NCAPD3: variants seen among roughly 807,000 people sequenced by gnomAD.
NCAPD3 encodes non-SMC condensin II complex subunit D3, also known as condensin-2 complex subunit D3.
A neutral mutation model predicts 182.9 loss-of-function variants in NCAPD3; 105 were observed. That is an observed-to-expected ratio of 0.57 (90% confidence interval 0.49 to 0.68). The LOEUF (loss-of-function observed/expected upper bound fraction) is 0.68. Among genes scored for constraint, NCAPD3 ranks in the 30% least tolerant of loss-of-function variants. NCAPD3 has a pLI of 0.00. For synonymous variants in NCAPD3, 815 were observed against 679.9 expected, an observed-to-expected ratio of 1.20 and a Z score of -3.09; for missense variants, 1,944 against 1,837.0, an observed-to-expected ratio of 1.06 and a Z score of -1.07.
At chr11:134,205,232 T>C (rs1944825720) in intron 8 of NCAPD3, among the ~76,000 whole-genome samples, 2 of 152,228 alleles carry the variant, frequency 1.3e-5, no homozygotes, top group Admixed American at 1.3e-4. Flanking sequence ...ACAATTCTTT[T>C]GACTACTTAC....
chr11:134,209,258 T>C (rs749028325), intron 5 of NCAPD3, 52 bp from the exon 6 acceptor site: 18 of 1,609,736 alleles, frequency 1.1e-5, no homozygotes, highest in East Asian at 2.2e-5. Context: ...GATCAGGTAT[T>C]AGCCATAGTC....
rs374144345 is a variant in NCAPD3, at chr11:134,186,366, TTCTC to T, written c.2046-844_2046-841del. Among the ~76,000 whole-genome samples, 77 of 151,538 alleles carry T rather than the reference TTCTC, an allele frequency of 5.1e-4. No individual in the cohort carries two copies. The South Asian group carries it at 7.9e-3, about 16-fold the overall frequency. The stretch of plus-strand genomic sequence containing the variant: ...GGCATGGTCACCATACCTGGCTAAT[TTCTC>T]TCTCTCTCTCTTTGTCTGTCTTTCT... On this transcript the variant is annotated intron_variant, in intron 16 of 34. Transcript: ENST00000534548.
chr11:134,174,472 CA>C (rs1944109792), intron 24 of NCAPD3, among the ~76,000 whole-genome samples: 1 of 148,676 alleles, frequency 6.7e-6, no homozygotes, highest in Non-Finnish European at 1.5e-5. Flanking sequence ...AATCAAAAGT[CA>C]GGCACAGAAA....
intron 24 of NCAPD3, 142 bp from the exon 25 acceptor site, chr11:134,169,196 G>T: frequency 1.3e-6 from 1 of 759,462 alleles, no homozygotes. Flanking sequence ...CAGTTCCCTC[G>T]GATCCAAAGA....
rs1290111169 is a variant in NCAPD3, at chr11:134,223,930, C to A, written c.-4G>T. 4 of 1,612,096 alleles carry A rather than the reference C, an allele frequency of 2.5e-6. No homozygotes were observed. The highest frequency in any genetic ancestry group is 1.7e-5 in the Admixed American group (1 of 59,948). ...CAAGGCCCCGCAACGCCACCATGAT[C>A]CCAGGGCACCGGCTCGCCGCCGCCG... On this transcript the variant is annotated 5_prime_UTR_variant, in exon 1 of 35. Transcript: ENST00000534548.
At chr11:134,183,943 A>G (rs1412249177) in intron 19 of NCAPD3, among the ~76,000 whole-genome samples, 1 of 152,232 alleles carries the variant, frequency 6.6e-6, no homozygotes, top group Non-Finnish European at 1.5e-5. Context: ...TTCTATAGCC[A>G]TTATTAATAA....
chr11:134,201,939 T>C (rs1308639334), intron 13 of NCAPD3, among the ~76,000 whole-genome samples: 1 of 152,172 alleles, frequency 6.6e-6, no homozygotes, highest in Non-Finnish European at 1.5e-5. Context: ...AAAGCAGTAA[T>C]GTAATCATCC....
chr11:134,209,957 G>C (rs866263615), intron 4 of NCAPD3, among the ~76,000 whole-genome samples: 11 of 152,326 alleles, frequency 7.2e-5, no homozygotes, highest in Middle Eastern at 3.4e-3. Context: ...TCGGAAGGCT[G>C]CAGCAGGAGA....
chr11:134,185,103 G>T, intron 17 of NCAPD3, 103 bp from the exon 18 acceptor site: 1 of 1,031,244 alleles, frequency 9.7e-7, no homozygotes, highest in Non-Finnish European at 1.5e-6. Flanking sequence ...AGCAGGGTAG[G>T]TAGCATGGCT....
intron 28 of NCAPD3, among the ~76,000 whole-genome samples, chr11:134,161,440 T>G (rs1943577538): frequency 6.6e-6 from 1 of 152,160 alleles, no homozygotes; most frequent in Admixed American, 6.5e-5. Context: ...ACCCGAAGAC[T>G]CACTTTCACC....
chr11:134,199,844 G>A (rs555691158), intron 13 of NCAPD3, among the ~76,000 whole-genome samples: 2 of 152,158 alleles, frequency 1.3e-5, no homozygotes, highest in African/African-American at 2.4e-5. Flanking sequence ...AGAACGCAAC[G>A]GCAATCAACA....
At chr11:134,172,255 C>A (rs571879029) in intron 24 of NCAPD3, among the ~76,000 whole-genome samples, 188 of 152,314 alleles carry the variant, frequency 1.2e-3, no homozygotes, top group African/African-American at 4.4e-3. Context: ...AGATGAGCTA[C>A]TGAATGCCCT....
intron 29 of NCAPD3, among the ~76,000 whole-genome samples, chr11:134,159,058 C>A (rs1346526014): frequency 6.6e-6 from 1 of 152,186 alleles, no homozygotes; most frequent in Non-Finnish European, 1.5e-5. Flanking sequence ...TTTTCTTTAC[C>A]ATTCATCCAC....
chr11:134,216,241 A>G (rs988728372), intron 3 of NCAPD3, among the ~76,000 whole-genome samples: 5 of 152,252 alleles, frequency 3.3e-5, no homozygotes, highest in African/African-American at 1.2e-4. Flanking sequence ...CCCAGATCAC[A>G]TGGAATAAAT....
chr11:134,153,790 T>C, intron 32 of NCAPD3: 1 of 226,950 alleles, frequency 4.4e-6, no homozygotes, highest in East Asian at 1.1e-4. Context: ...GACTGGAGCA[T>C]GCGCGCTGGA....
At chr11:134,200,946 C>T (rs1442596022) in intron 13 of NCAPD3, among the ~76,000 whole-genome samples, 1 of 152,000 alleles carries the variant, frequency 6.6e-6, no homozygotes, top group Non-Finnish European at 1.5e-5. Context: ...GCCTTGAAAA[C>T]ACGCTATAGG....
rs1725665098 is a variant in NCAPD3, at chr11:134,159,988, C to T, written c.3771G>A (p.Lys1257=). 2 of 1,614,146 alleles carry T rather than the reference C, an allele frequency of 1.2e-6. No homozygotes were observed. Among genetic ancestry groups the T allele is most frequent in the East Asian group, 2.2e-5 (1 of 44,874 alleles). The change falls in exon 29 of 35, where the codon AAG becomes AAA. Residue 1257 remains lysine, a synonymous_variant. Coordinates refer to ENST00000534548, the MANE Select transcript of NCAPD3 (RefSeq NM_015261.3). ...QLASELEYDM[K]KYQEQLVQEQ... ...CCTGGACCAGCTGTTCCTGGTACTTCTTCATGTCATACTCAAGCTCTGATG... is the reference window on the plus strand; with the variant it reads ...CCTGGACCAGCTGTTCCTGGTACTTTTTCATGTCATACTCAAGCTCTGATG...
Position 134,202,870 on chromosome 11 carries a change from C to G in NCAPD3, c.1561G>C (p.Glu521Gln). The change falls in exon 13 of 35, where the codon GAA becomes CAA. Residue 521 changes from glutamate (E) to glutamine (Q), a missense_variant. This residue lies in a region of NCAPD3 where 1,803 missense variants were observed against 1,674.6 expected (regional missense o/e 1.08). Coordinates refer to ENST00000534548, the MANE Select transcript of NCAPD3 (RefSeq NM_015261.3). ...TCTATGTTGATCTCCCCTGAGGGTT[C>G]GGAACGGTTAGATGTCTGCCTTTGG... ...SYQRQTSNRS[E>Q]PSGEINIDSS... 1 of 1,607,648 alleles carries G rather than the reference C, an allele frequency of 6.2e-7. No individual in the cohort carries two copies. The highest frequency in any genetic ancestry group is 8.5e-7 in the Non-Finnish European group (1 of 1,178,514).
At chr11:134,176,580 G>A (rs532026758) in intron 23 of NCAPD3, among the ~76,000 whole-genome samples, 194 bp from the exon 24 acceptor site, 1 of 152,332 alleles carries the variant, frequency 6.6e-6, no homozygotes, top group Admixed American at 6.5e-5. Context: ...TACCACAGGA[G>A]AAAAATGACT....
Sources: gnomAD v4.1 joint callset for allele counts (sites outside exome capture counted in the v4.1 genomes callset) on GRCh38, gnomAD v4.1.1 for gene constraint, gnomAD v4.1.1 regional missense constraint, MANE v1.5 for transcripts, NCBI Gene and HGNC (gene_info 2026-07-23, HGNC 2026-07-21) for gene names.